CALD1: variants seen among roughly 807,000 people sequenced by gnomAD.
CALD1 encodes the protein caldesmon 1, also known as caldesmon.
A neutral mutation model predicts 99.9 loss-of-function variants in CALD1; 33 were observed. The observed-to-expected ratio is 0.33, with a 90% CI of 0.25 to 0.44. The LOEUF is 0.44. CALD1 is among the 20% of genes least tolerant of loss of function. The pLI, the probability that CALD1 is intolerant of heterozygous loss-of-function variation, is 1.00. For missense variants in CALD1, 861 were observed against 962.1 expected (o/e 0.89, Z 1.39); for synonymous variants, 310 against 325.0 (o/e 0.95, Z 0.50).
chr7:134,894,526 A>G (rs1263989807), intron 3 of CALD1, among the ~76,000 whole-genome samples: 1 of 152,224 alleles, frequency 6.6e-6, no homozygotes, highest in Non-Finnish European at 1.5e-5. Context: ...TGCTAGACGT[A>G]CTAGGTTAAA....
intron 1 of CALD1, among the ~76,000 whole-genome samples, chr7:134,784,603 G>C (rs891292275): frequency 1.3e-5 from 2 of 152,218 alleles, no homozygotes; most frequent in African/African-American, 4.8e-5. Flanking sequence ...GTCTGGGAGA[G>C]CACATGGCCC....
At chr7:134,891,583 G>T (rs781427024) in intron 3 of CALD1, 16 of 1,593,560 alleles carry the variant, frequency 1.0e-5, no homozygotes, top group Admixed American at 3.5e-5. Flanking sequence ...CCAGGTCTCC[G>T]TATCTCTCTG....
At chr7:134,720,404 G>A in the CALD1 span, among the ~76,000 whole-genome samples, 2 of 152,278 alleles carry the variant, frequency 1.3e-5, no homozygotes, top group East Asian at 1.9e-4. Context: ...CATGTGCCAT[G>A]GAGGTGAAGC....
intron 7 of CALD1, among the ~76,000 whole-genome samples, chr7:134,944,227 A>G (rs1806678849): frequency 6.6e-6 from 1 of 152,178 alleles, no homozygotes; most frequent in Non-Finnish European, 1.5e-5. Context: ...TTTACCTGTA[A>G]CTGGCATGAG....
intron 3 of CALD1, among the ~76,000 whole-genome samples, chr7:134,869,063 G>T (rs1298849505): frequency 6.6e-6 from 1 of 152,050 alleles, no homozygotes; most frequent in Non-Finnish European, 1.5e-5. Flanking sequence ...ACAAGAAATA[G>T]CATAGCAGCA....
At chr7:134,815,525 T>C (rs1040452285) in intron 1 of CALD1, among the ~76,000 whole-genome samples, 8 of 152,116 alleles carry the variant, frequency 5.3e-5, no homozygotes, top group African/African-American at 1.9e-4. Context: ...TGGTTTTGGC[T>C]GTATAGCTCT....
chr7:134,882,142 G>A (rs1025924709), intron 3 of CALD1, among the ~76,000 whole-genome samples: 2 of 152,142 alleles, frequency 1.3e-5, no homozygotes, highest in African/African-American at 2.4e-5. Context: ...ACTAACACTT[G>A]TGTATCAAGG....
intron 3 of CALD1, among the ~76,000 whole-genome samples, chr7:134,890,548 A>T (rs907838295): frequency 6.6e-6 from 1 of 152,222 alleles, no homozygotes; most frequent in Non-Finnish European, 1.5e-5. Context: ...ACAGAAAGCC[A>T]GTCCCACGAG....
At position 134,968,409 on chromosome 7, in the gene CALD1, GCT is replaced by G; in HGVS notation, c.*67_*68del. On this transcript the variant is annotated 3_prime_UTR_variant, in exon 15 of 15. Transcript: ENST00000361675. The stretch of plus-strand genomic sequence containing the variant: ...GAGCTCAGTTGTAGAGGGCTAATTC[GCT>G]CTGTTTTGTATTTATGTTGATTTAC... 1 of 1,452,258 alleles carries G rather than the reference GCT, an allele frequency of 6.9e-7. No homozygotes were observed. Among genetic ancestry groups the G allele is most frequent in the South Asian group, 1.1e-5 (1 of 87,456 alleles). The allele number at this position is 1,452,258 out of a possible 1,614,324, so 90.0% of individuals were successfully genotyped here. A position where few individuals can be genotyped will look rare whatever the true frequency, so the allele number is the denominator to read the frequency against.
chr7:134,839,739 G>C (rs550605025), intron 1 of CALD1, among the ~76,000 whole-genome samples: 1 of 152,186 alleles, frequency 6.6e-6, no homozygotes, highest in East Asian at 1.9e-4. Context: ...CCCCAGGCTG[G>C]AGTGCAGTGT....
At chr7:134,849,168 C>G (rs1799974540) in intron 2 of CALD1, among the ~76,000 whole-genome samples, 1 of 152,130 alleles carries the variant, frequency 6.6e-6, no homozygotes, top group Admixed American at 6.5e-5. Context: ...TTTCTCTGCC[C>G]TCTCATCCAC....
chr7:134,957,027 A>G (rs1807827415), intron 9 of CALD1, among the ~76,000 whole-genome samples: 1 of 152,126 alleles, frequency 6.6e-6, no homozygotes, highest in African/African-American at 2.4e-5. Flanking sequence ...AAAGACTACT[A>G]ACTGCTGATT....
intron 1 of CALD1, among the ~76,000 whole-genome samples, chr7:134,780,660 A>G (rs548936760): frequency 4.5e-4 from 68 of 152,328 alleles, no homozygotes; most frequent in African/African-American, 1.4e-3. Context: ...TTCCTTTTAG[A>G]AAGAGCTGAT....
chr7:134,966,197 C>T (rs1808670565), intron 14 of CALD1, among the ~76,000 whole-genome samples: 2 of 152,200 alleles, frequency 1.3e-5, no homozygotes. Context: ...TAAGCAAACT[C>T]AGGACTAAAG....
chr7:134,766,255 G>A (rs984989719), intron 1 of CALD1, among the ~76,000 whole-genome samples: 1 of 134,808 alleles, frequency 7.4e-6, no homozygotes, highest in Non-Finnish European at 1.5e-5. Context: ...GGGTTCAACC[G>A]ATTCTCCTGC....
the CALD1 span, among the ~76,000 whole-genome samples, chr7:134,733,231 C>T: frequency 6.6e-6 from 1 of 152,138 alleles, no homozygotes; most frequent in African/African-American, 2.4e-5. Context: ...TGCATGGAAC[C>T]CAGTGCTCAA....
intron 9 of CALD1, among the ~76,000 whole-genome samples, chr7:134,951,256 A>G (rs1446937108): frequency 3.3e-5 from 5 of 152,204 alleles, no homozygotes; most frequent in African/African-American, 1.2e-4. Flanking sequence ...ACCTCCTTTC[A>G]GCTGTTTCAC....
chr7:134,775,635 C>T (rs1027059807), upstream of CALD1, among the ~76,000 whole-genome samples: 7 of 151,872 alleles, frequency 4.6e-5, no homozygotes, highest in Admixed American at 3.9e-4. Context: ...AGCTTGAACC[C>T]GGGAAGCGGA....
In CALD1 at chr7:134,960,015, T is replaced by G. The variant is rs1270098322; in HGVS notation, c.2103T>G (p.Asp701Glu). 1.2e-6 allele frequency: 2 copies of G among 1,614,012 alleles called. No homozygotes were observed. Among genetic ancestry groups the G allele is most frequent in the Non-Finnish European group, 8.5e-7 (1 of 1,180,014 alleles). Reference sequence around the variant, plus strand: ...AACCTACAAAGCCGGCAGCCTCGGATCTTCCTGTTCCTGCTGAAGGTGTAC... The same window carrying G: ...AACCTACAAAGCCGGCAGCCTCGGAGCTTCCTGTTCCTGCTGAAGGTGTAC... ...SAKPTKPAAS[D>E]LPVPAEGVRN... is the part of the protein sequence containing the mutation. The change falls in exon 12 of 15, where the codon GAT becomes GAG. Residue 701 changes from aspartate to glutamate, a missense_variant. Asp to Glu is a conservative substitution (Grantham distance 45). Coordinates refer to ENST00000361675, the MANE Select transcript of CALD1 (RefSeq NM_033138.4).
Sources: allele counts gnomAD v4.1 joint callset (sites outside exome capture counted in the v4.1 genomes callset), GRCh38; gene constraint gnomAD v4.1.1; transcripts MANE v1.5; gene names NCBI Gene and HGNC (gene_info 2026-07-23, HGNC 2026-07-21).